ZNF707: variants seen among roughly 807,000 people sequenced by gnomAD.
The protein encoded by ZNF707 is zinc finger protein 707.
A neutral mutation model predicts 13.3 loss-of-function variants in ZNF707; 8 were observed. That is an observed-to-expected ratio of 0.60 (90% CI 0.35 to 1.09). ZNF707 has a LOEUF of 1.09. Among genes scored for constraint, ZNF707 ranks in the 50% least tolerant of loss-of-function variants. The pLI is 0.02. For synonymous variants in ZNF707, 225 were observed against 205.6 expected, an observed-to-expected ratio of 1.09 and a Z score of -0.81; for missense variants, 530 against 512.6, an observed-to-expected ratio of 1.03 and a Z score of -0.33.
Position 143,693,175 on chromosome 8 carries a change from G to C in ZNF707, c.257-496G>C. ...CTTGGCTTCCGCTGTTGATACCTGT[G>C]GCTCATCTGTGTTTCTTTGAACGAG... On this transcript the variant is annotated intron_variant, in intron 5 of 5. Coordinates refer to ENST00000358656, the MANE Select transcript of ZNF707 (RefSeq NM_001100598.2). This position sits in a 1 kb window ranked among gnomAD's most constrained non-coding sequence, Gnocchi z 4.1. 6.6e-6 allele frequency among the ~76,000 whole-genome samples: 1 copy of C among 152,174 alleles called. No individual in the cohort carries two copies. The highest frequency in any genetic ancestry group is 1.9e-4 in the East Asian group (1 of 5,188).
Position 143,693,487 on chromosome 8 carries a change from G to A in ZNF707, c.257-184G>A, listed in dbSNP as rs1204378224. 6.6e-6 allele frequency among the ~76,000 whole-genome samples: 1 copy of A among 151,830 alleles called. No homozygotes were observed. The highest frequency in any genetic ancestry group is 6.6e-5 in the Admixed American group (1 of 15,266). ...TATTTTTTTTTTTTTAGTAGAGACGGGGTTTCACCTTGTTAGCCAGGATGG... is the reference window on the plus strand; with the variant it reads ...TATTTTTTTTTTTTTAGTAGAGACGAGGTTTCACCTTGTTAGCCAGGATGG... On this transcript the variant is annotated intron_variant, in intron 5 of 5. Coordinates refer to ENST00000358656, the MANE Select transcript of ZNF707 (RefSeq NM_001100598.2). This position sits in a 1 kb window ranked among gnomAD's most constrained non-coding sequence, Gnocchi z 4.1.
chr8:143,691,066 GT>G lies in ZNF707; in HGVS notation c.16-5del. 1 of 1,613,844 alleles carries G rather than the reference GT, an allele frequency of 6.2e-7. No individual in the cohort carries two copies. Among genetic ancestry groups the G allele is most frequent in the Non-Finnish European group, 8.5e-7 (1 of 1,179,830 alleles). On this transcript the variant is annotated splice_polypyrimidine_tract_variant and splice_region_variant and intron_variant, in intron 3 of 5. Transcript: ENST00000358656. The stretch of plus-strand genomic sequence containing the variant: ...AATGGCCTCTTCGGGAGCTGTGTGT[GT>G]TGCAGGAGCCAGTGACCTTCAGGGA...
Position 143,693,692 on chromosome 8 carries a change from C to G in ZNF707, c.278C>G (p.Pro93Arg), listed in dbSNP as rs1554614267. Residue 93 changes from proline to arginine, a missense_variant, in exon 6 of 6, where the codon CCC becomes CGC. By Grantham distance (103) the Pro-to-Arg change is moderately radical (BLOSUM62 -2). Transcript: ENST00000358656. This position sits in a 1 kb window ranked among gnomAD's most constrained non-coding sequence, Gnocchi z 4.1. ...ACAGGGGCAAGGAAGTCTGCAGACC[C>G]CAAGAGACCTTGTGATCATCCAGCT... ...PRPGARKSADPKRPCDHPAWA... is the reference protein window; with the variant it reads ...PRPGARKSADRKRPCDHPAWA... The G allele has an allele frequency of 1.9e-6, 3 of 1,601,986 alleles. No homozygotes were observed. Among genetic ancestry groups the G allele is most frequent in the Non-Finnish European group, 2.6e-6 (3 of 1,174,442 alleles).
chr8:143,691,389 C>T, intron 4 of ZNF707, 190 bp downstream of exon 4: 1 of 1,134,764 alleles, frequency 8.8e-7, no homozygotes. Context: ...TGGAGGCAGC[C>T]TCATCTTCCT....
intron 5 of ZNF707, chr8:143,691,944 TA>T: frequency 7.8e-7 from 1 of 1,288,244 alleles, no homozygotes; most frequent in African/African-American, 1.4e-5. Flanking sequence ...CAGGATGACA[TA>T]CAGCTGCAGC....
chr8:143,691,018 G>C, intron 3 of ZNF707, 55 bp from the exon 4 acceptor site: 3 of 1,608,092 alleles, frequency 1.9e-6, no homozygotes, highest in Middle Eastern at 1.7e-4. Flanking sequence ...CAGACCTGTG[G>C]GCTGAGCCTT....
chr8:143,691,993 G>A, intron 5 of ZNF707: 1 of 1,457,720 alleles, frequency 6.9e-7, no homozygotes. Flanking sequence ...CTTGAAGCCT[G>A]CACCTAGCCA....
chr8:143,686,496 C>T (rs1003843498), intron 1 of ZNF707, among the ~76,000 whole-genome samples: 3 of 152,122 alleles, frequency 2.0e-5, no homozygotes, highest in East Asian at 1.9e-4. Flanking sequence ...TTTTATAGAC[C>T]GTTGTATAAC....
chr8:143,688,667 G>A (rs1416328361), intron 1 of ZNF707: 4 of 123,442 alleles, frequency 3.2e-5, no homozygotes, highest in Admixed American at 1.9e-4. Flanking sequence ...TTCAGACAGC[G>A]TCTCAGTCTA....
chr8:143,691,801 G>A, intron 5 of ZNF707, 88 bp downstream of exon 5: 1 of 1,208,652 alleles, frequency 8.3e-7, no homozygotes, highest in Non-Finnish European at 1.2e-6. Flanking sequence ...AGTGACCAAG[G>A]GTGTGTCCTT....
chr8:143,688,268 G>GA (rs202124499), intron 1 of ZNF707, among the ~76,000 whole-genome samples: 6 of 150,542 alleles, frequency 4.0e-5, no homozygotes, highest in Non-Finnish European at 7.4e-5. Flanking sequence ...TTGAAAGAGT[G>GA]AAAAAAAAAT....
At chr8:143,691,374 C>A in intron 4 of ZNF707, 175 bp downstream of exon 4, 2 of 1,230,732 alleles carry the variant, frequency 1.6e-6, no homozygotes, top group Non-Finnish European at 2.2e-6. Context: ...TTCTCTCGGG[C>A]TCCCTGGAGG....
At position 143,691,728 on chromosome 8, in the gene ZNF707, G is replaced by T. The variant is rs1554613690; in HGVS notation, c.256+15G>T. The T allele has an allele frequency of 2.6e-6, 4 of 1,562,330 alleles. No individual in the cohort carries two copies. Among genetic ancestry groups the T allele is most frequent in the Non-Finnish European group, 3.5e-6 (4 of 1,152,274 alleles). On this transcript the variant is annotated intron_variant, in intron 5 of 5. Coordinates refer to ENST00000358656, the MANE Select transcript of ZNF707 (RefSeq NM_001100598.2). The stretch of plus-strand genomic sequence containing the variant: ...ACCCCGGCCAGGTGAGTGCTGGGCT[G>T]TCTGGGCTCGGCGGGCCCCGTCCCT...
intron 5 of ZNF707, chr8:143,692,409 G>A: frequency 8.3e-7 from 1 of 1,201,348 alleles, no homozygotes; most frequent in Non-Finnish European, 1.1e-6. Context: ...AGGTCCCCGG[G>A]TGTGTGGAGC....
intron 4 of ZNF707, 163 bp downstream of exon 4, chr8:143,691,362 G>A (rs1023816311): frequency 3.1e-5 from 40 of 1,289,522 alleles, no homozygotes; most frequent in South Asian, 2.6e-4. Context: ...CCCACTCAGC[G>A]TTTCTCTCGG....
chr8:143,691,601 A>C lies in ZNF707; in HGVS notation c.144A>C (p.Gly48=). 1 of 1,604,542 alleles carries C rather than the reference A, an allele frequency of 6.2e-7. No homozygotes were observed. The highest frequency in any genetic ancestry group is 8.5e-7 in the Non-Finnish European group (1 of 1,176,104). Residue 48 remains glycine (G), a splice_region_variant and synonymous_variant, in exon 5 of 6, where the codon GGA becomes GGC. Coordinates refer to ENST00000358656, the MANE Select transcript of ZNF707 (RefSeq NM_001100598.2). Reference sequence around the variant, plus strand: ...GAAACTTTTCTCTCCTTTGAGAAGGATTTTGCAGCCCCAGACCAGACCTCG... The same window carrying C: ...GAAACTTTTCTCTCCTTTGAGAAGGCTTTTGCAGCCCCAGACCAGACCTCG... The part of the protein sequence containing the change: ...LDNFSSVAAL[G]FCSPRPDLVS...
rs560816234 is a variant in ZNF707 at position 143,694,741 on chromosome 8, G to T, written c.*211G>T. ...CATGGGTACGCCGGAGATGGCGGGGGCTCTGGAGATGGCGGGGGCTGCGCC... is the reference window on the plus strand; with the variant it reads ...CATGGGTACGCCGGAGATGGCGGGGTCTCTGGAGATGGCGGGGGCTGCGCC... On this transcript the variant is annotated 3_prime_UTR_variant, in exon 6 of 6. Transcript: ENST00000358656. The surrounding 1 kb of genome is among the most constrained non-coding windows in gnomAD (Gnocchi z 4.4). 9.0e-5 allele frequency: 52 copies of T among 579,980 alleles called. No homozygotes were observed. The highest frequency in any genetic ancestry group is 8.1e-4 in the African/African-American group (43 of 53,116). 35.9% of individuals were successfully genotyped at this position (579,980 alleles called of 1,614,324 possible). A position where few individuals can be genotyped will look rare whatever the true frequency, so the allele number is the denominator to read the frequency against.
intron 1 of ZNF707, among the ~76,000 whole-genome samples, chr8:143,688,506 T>G (rs1554612737): frequency 6.6e-6 from 1 of 152,130 alleles, no homozygotes; most frequent in Non-Finnish European, 1.5e-5. Context: ...AAACCAGCTG[T>G]GTACTCTTAG....
intron 4 of ZNF707, 82 bp from the exon 5 acceptor site, chr8:143,691,518 C>G: frequency 2.1e-6 from 3 of 1,433,898 alleles, no homozygotes; most frequent in Non-Finnish European, 2.8e-6. Context: ...GCGTCTTAGG[C>G]TGATGCACAA....
Sources: gnomAD v4.1 joint callset for allele counts (sites outside exome capture counted in the v4.1 genomes callset) on GRCh38, gnomAD v4.1.1 for gene constraint, Gnocchi (gnomAD v3.1) non-coding constraint, MANE v1.5 for transcripts, NCBI Gene and HGNC (gene_info 2026-07-23, HGNC 2026-07-21) for gene names.